Variants in VPS50 observed in about 807,000 individuals in gnomAD.
VPS50 encodes VPS50 subunit of EARP/GARPII complex.
In VPS50, 70 loss-of-function variants were observed where a neutral mutation model predicts 139.7. That is an observed-to-expected ratio of 0.50 (90% CI 0.41 to 0.61). The LOEUF (loss-of-function observed/expected upper bound fraction) is 0.61. Ranked by LOEUF, VPS50 falls within the 20% of genes least tolerant of loss-of-function variation. The pLI is 0.00. For missense variants in VPS50, 921 were observed against 1,133.7 expected (o/e 0.81, Z 2.69); for synonymous variants, 365 against 376.7 (o/e 0.97, Z 0.36).
intron 2 of VPS50, 56 bp from the exon 3 acceptor site, chr7:93,252,597 G>T: frequency 8.8e-7 from 1 of 1,134,612 alleles, no homozygotes; most frequent in Non-Finnish European, 1.3e-6. Context: ...TTATTTCCAT[G>T]CAGATATAAT....
At chr7:93,239,746 A>G (rs1409144606) in intron 1 of VPS50, 120 bp from the exon 2 acceptor site, 1 of 573,960 alleles carries the variant, frequency 1.7e-6, no homozygotes. Flanking sequence ...TATCTTCCAT[A>G]TTTTGAAGCA....
At chr7:93,349,380 C>G (rs1384061657) in intron 24 of VPS50, among the ~76,000 whole-genome samples, 1 of 152,084 alleles carries the variant, frequency 6.6e-6, no homozygotes, top group Non-Finnish European at 1.5e-5. Context: ...AGGAGTTGGA[C>G]TTTATTTGGA....
chr7:93,300,693 T>G (rs949238505), intron 16 of VPS50, among the ~76,000 whole-genome samples: 4 of 152,110 alleles, frequency 2.6e-5, no homozygotes, highest in African/African-American at 9.7e-5. Flanking sequence ...ATTTTAACTT[T>G]CTTTCTAATT....
intron 2 of VPS50, among the ~76,000 whole-genome samples, chr7:93,251,061 A>T (rs774439546): frequency 3.9e-5 from 6 of 152,232 alleles, no homozygotes; most frequent in South Asian, 2.1e-4. Flanking sequence ...AGAAATAAGA[A>T]TGCTTTTACA....
At chr7:93,319,456 GT>G (rs1484840404) in intron 20 of VPS50, among the ~76,000 whole-genome samples, 22 of 152,098 alleles carry the variant, frequency 1.4e-4, no homozygotes, top group Admixed American at 6.6e-4. Flanking sequence ...ATTCGTGTCA[GT>G]CTGAAAATGT....
intron 21 of VPS50, among the ~76,000 whole-genome samples, chr7:93,331,608 T>C (rs1021686566): frequency 1.3e-5 from 2 of 152,126 alleles, no homozygotes; most frequent in Non-Finnish European, 1.5e-5. Flanking sequence ...TTGTAAGACC[T>C]AAAGAAGTTC....
In VPS50 at chr7:93,323,604, T is replaced by G; in HGVS notation, c.1856-7T>G. 1 of 1,223,758 alleles carries G rather than the reference T, an allele frequency of 8.2e-7. No individual in the cohort carries two copies. The highest frequency in any genetic ancestry group is 1.1e-6 in the Non-Finnish European group (1 of 916,700). 75.8% of individuals were successfully genotyped at this position (1,223,758 alleles called of 1,614,324 possible). Reference sequence around the variant, plus strand: ...CTGCTTAATTTTTTATTCTTTTTTCTTTTCAGGAAAATATATGCAGATGAT... The same window carrying G: ...CTGCTTAATTTTTTATTCTTTTTTCGTTTCAGGAAAATATATGCAGATGAT... On this transcript the variant is annotated splice_region_variant and splice_polypyrimidine_tract_variant and intron_variant, in intron 20 of 27. Coordinates refer to ENST00000305866, the MANE Select transcript of VPS50 (RefSeq NM_017667.4).
intron 21 of VPS50, among the ~76,000 whole-genome samples, chr7:93,329,000 T>C (rs73219921): frequency 0.025 from 3,782 of 152,214 alleles, 78 homozygotes; most frequent in Non-Finnish European, 0.038. Context: ...AAGAAACTTA[T>C]GTACTGAAAA....
Position 93,360,340 on chromosome 7 carries a change from T to TA in VPS50, c.*1905dup, listed in dbSNP as rs1257214945. 1 of 151,646 alleles carries TA rather than the reference T, an allele frequency of 6.6e-6. No individual in the cohort carries two copies. The highest frequency in any genetic ancestry group is 2.4e-5 in the African/African-American group (1 of 41,308). The allele number at this position is 151,646 out of a possible 1,614,324, so 9.4% of individuals were successfully genotyped here. ...ATGCAATCTGACAGACCTTTTAACCTACCCTTACTTTGCTTTCTCCATCTT... is the reference window on the plus strand; with the variant it reads ...ATGCAATCTGACAGACCTTTTAACCTAACCCTTACTTTGCTTTCTCCATCTT... On this transcript the variant is annotated 3_prime_UTR_variant, in exon 28 of 28. Transcript: ENST00000305866.
intron 9 of VPS50, among the ~76,000 whole-genome samples, chr7:93,263,876 C>T (rs561842790): frequency 3.9e-5 from 6 of 151,980 alleles, no homozygotes; most frequent in Non-Finnish European, 8.8e-5. Context: ...AACAATACAA[C>T]ACAAAAATCA....
chr7:93,237,099 C>T (rs1162735407), intron 1 of VPS50, among the ~76,000 whole-genome samples: 5 of 151,056 alleles, frequency 3.3e-5, no homozygotes, highest in African/African-American at 1.2e-4. Flanking sequence ...TACAGACGCC[C>T]GCCACCACGC....
intron 12 of VPS50, among the ~76,000 whole-genome samples, chr7:93,285,795 T>C (rs1796465934): frequency 6.6e-6 from 1 of 152,158 alleles, no homozygotes; most frequent in Admixed American, 6.5e-5. Context: ...TAATCAAAAT[T>C]GGATTAAGGA....
intron 27 of VPS50, among the ~76,000 whole-genome samples, chr7:93,357,354 T>TCAGTGACATTTCCC (rs1399084212): frequency 6.6e-6 from 1 of 152,122 alleles, no homozygotes; most frequent in Non-Finnish European, 1.5e-5. Context: ...TATTTGTAAT[T>TCAGTGACATTTCCC]CAGTGACATT....
chr7:93,309,081 TA>T, intron 19 of VPS50, 139 bp downstream of exon 19: 1 of 446,792 alleles, frequency 2.2e-6, no homozygotes, highest in Non-Finnish European at 4.0e-6. Context: ...TAGTATGTTT[TA>T]AAAAATGATT....
intron 23 of VPS50, among the ~76,000 whole-genome samples, chr7:93,346,599 A>G (rs906348874): frequency 2.0e-4 from 31 of 152,042 alleles, no homozygotes; most frequent in Non-Finnish European, 4.6e-4. Flanking sequence ...AGTAACCAAA[A>G]CAGCATGGTA....
chr7:93,321,563 G>C (rs140694557), intron 20 of VPS50, among the ~76,000 whole-genome samples: 62 of 152,292 alleles, frequency 4.1e-4, no homozygotes, highest in Admixed American at 2.5e-3. Flanking sequence ...ACAAGGCCAA[G>C]TATATAGTAA....
chr7:93,350,145 T>A, intron 25 of VPS50, 112 bp downstream of exon 25: 1 of 649,088 alleles, frequency 1.5e-6, no homozygotes, highest in Non-Finnish European at 2.4e-6. Flanking sequence ...ATTTCTAGCA[T>A]TGTGGTATTA....
chr7:93,299,224 A>G (rs1796903123), intron 16 of VPS50, among the ~76,000 whole-genome samples: 2 of 152,238 alleles, frequency 1.3e-5, no homozygotes, highest in Non-Finnish European at 1.5e-5. Flanking sequence ...GCAAACCATC[A>G]ATGTGTTCTA....
At chr7:93,302,758 G>A (rs118008221) in intron 16 of VPS50, among the ~76,000 whole-genome samples, 1,781 of 152,110 alleles carry the variant, frequency 0.012, 14 homozygotes, top group Non-Finnish European at 0.019. Flanking sequence ...GAAAGAGGAA[G>A]AACAGGGTAG....
Sources: gnomAD v4.1 joint callset for allele counts (sites outside exome capture counted in the v4.1 genomes callset) on GRCh38, gnomAD v4.1.1 for gene constraint, MANE v1.5 for transcripts, NCBI Gene and HGNC (gene_info 2026-07-23, HGNC 2026-07-21) for gene names.